FEZ1: variants seen among roughly 807,000 people sequenced by gnomAD.
FEZ1 encodes the protein fasciculation and elongation protein zeta-1.
A neutral mutation model predicts 49.3 loss-of-function variants in FEZ1; 20 were observed. The observed-to-expected ratio is 0.41, with a 90% confidence interval of 0.29 to 0.59. The LOEUF (loss-of-function observed/expected upper bound fraction) is 0.59, where lower values mean the gene tolerates loss of function less well. Among genes scored for constraint, FEZ1 ranks in the 20% least tolerant of loss-of-function variants. FEZ1 has a pLI of 0.36. For missense variants in FEZ1, 413 were observed against 476.0 expected, an observed-to-expected ratio of 0.87 and a Z score of 1.23; for synonymous variants, 170 against 180.9, an observed-to-expected ratio of 0.94 and a Z score of 0.48.
intron 3 of FEZ1, among the ~76,000 whole-genome samples, chr11:125,477,026 G>A (rs1048849836): frequency 6.6e-6 from 1 of 152,078 alleles, no homozygotes; most frequent in Non-Finnish European, 1.5e-5. Flanking sequence ...CCAGTTTGTA[G>A]CAGAAAGATG....
At chr11:125,474,384 T>C (rs995753658) in intron 3 of FEZ1, among the ~76,000 whole-genome samples, 2 of 151,718 alleles carry the variant, frequency 1.3e-5, no homozygotes, top group African/African-American at 4.8e-5. Flanking sequence ...CCCAGTCTGG[T>C]CTTTAACTCC....
intron 3 of FEZ1, among the ~76,000 whole-genome samples, chr11:125,477,595 G>T (rs547554481): frequency 6.6e-6 from 1 of 152,090 alleles, no homozygotes. Flanking sequence ...AAGCCCTGCC[G>T]CCTCTACCTG....
intron 3 of FEZ1, among the ~76,000 whole-genome samples, chr11:125,469,552 C>T (rs1957165337): frequency 6.6e-6 from 1 of 152,034 alleles, no homozygotes; most frequent in South Asian, 2.1e-4. Context: ...GAGCTATCAC[C>T]AGCCATTTTT....
At chr11:125,493,238 G>T (rs1297959479) in intron 1 of FEZ1, among the ~76,000 whole-genome samples, 1 of 151,452 alleles carries the variant, frequency 6.6e-6, no homozygotes, top group Non-Finnish European at 1.5e-5. Flanking sequence ...GGAGGCTGAG[G>T]CAGGAGAATC....
rs142368045 is a variant in FEZ1 at position 125,466,948 on chromosome 11, C to A, written c.412-3378G>T. Among the ~76,000 whole-genome samples, 473 of 151,954 alleles carry A rather than the reference C, an allele frequency of 3.1e-3. 3 individuals carry two copies. The highest frequency in any genetic ancestry group is 0.023 in the East Asian group (119 of 5,176). On this transcript the variant is annotated intron_variant, in intron 3 of 9. Transcript: ENST00000278919. ...ATTGTTTGACATGAGTGGTTGCCCC[C>A]CTGACAAAAATTAAGAGAACAAAGA...
chr11:125,476,645 G>T (rs368593727), intron 3 of FEZ1, among the ~76,000 whole-genome samples: 131 of 152,158 alleles, frequency 8.6e-4, no homozygotes, highest in African/African-American at 3.1e-3. Context: ...AACCAAAAAA[G>T]TCATATAATA....
At chr11:125,484,150 CA>C (rs1456442755) in intron 2 of FEZ1, among the ~76,000 whole-genome samples, 2 of 152,206 alleles carry the variant, frequency 1.3e-5, no homozygotes, top group Non-Finnish European at 2.9e-5. Flanking sequence ...ACCCAGTGCC[CA>C]TTTAACAATA....
chr11:125,461,106 A>C (rs1433016301), intron 4 of FEZ1, among the ~76,000 whole-genome samples: 2 of 152,198 alleles, frequency 1.3e-5, no homozygotes, highest in Non-Finnish European at 2.9e-5. Flanking sequence ...CAAAATGGGG[A>C]GGAAAACAAC....
At chr11:125,449,897 C>A (rs1334402255) in intron 8 of FEZ1, among the ~76,000 whole-genome samples, 2 of 152,084 alleles carry the variant, frequency 1.3e-5, no homozygotes, top group South Asian at 2.1e-4. Flanking sequence ...GAGTCAGCAG[C>A]CAGGTCCAGA....
intron 1 of FEZ1, among the ~76,000 whole-genome samples, chr11:125,494,062 T>G (rs1428710988): frequency 6.6e-6 from 1 of 152,234 alleles, no homozygotes; most frequent in African/African-American, 2.4e-5. Context: ...ACATGCTCAT[T>G]TGAAACAGTC....
chr11:125,462,927 G>A (rs911216970), intron 4 of FEZ1, among the ~76,000 whole-genome samples: 2 of 151,650 alleles, frequency 1.3e-5, no homozygotes, highest in African/African-American at 2.4e-5. Flanking sequence ...TTGAGCCAAG[G>A]AGGTTGAGGC....
At chr11:125,473,676 G>A (rs1565539197) in intron 3 of FEZ1, among the ~76,000 whole-genome samples, 2 of 151,956 alleles carry the variant, frequency 1.3e-5, no homozygotes, top group Admixed American at 6.6e-5. Flanking sequence ...AAAATTAGCT[G>A]GGCATGGTTG....
intron 8 of FEZ1, among the ~76,000 whole-genome samples, chr11:125,449,072 G>A (rs111672196): frequency 2.4e-4 from 36 of 151,954 alleles, no homozygotes; most frequent in African/African-American, 8.2e-4. Context: ...ACAGGATCTC[G>A]CCCTGCCACA....
chr11:125,469,433 A>G (rs961929459), intron 3 of FEZ1, among the ~76,000 whole-genome samples: 1 of 151,794 alleles, frequency 6.6e-6, no homozygotes, highest in Non-Finnish European at 1.5e-5. Context: ...TAACTTTTGT[A>G]TTTTTTGTAG....
chr11:125,461,448 A>G (rs1591586718), intron 4 of FEZ1, among the ~76,000 whole-genome samples: 1 of 152,322 alleles, frequency 6.6e-6, no homozygotes, highest in South Asian at 2.1e-4. Context: ...CTCTGCAAAA[A>G]GCAGAAAAAT....
rs1030278704 is a variant in FEZ1, at chr11:125,465,494, C to T, written c.412-1924G>A. On this transcript the variant is annotated intron_variant, in intron 3 of 9. Coordinates refer to ENST00000278919, the MANE Select transcript of FEZ1 (RefSeq NM_005103.5). Reference sequence around the variant, plus strand: ...GTTTCTCTCCCCTCCCCCTCTCAGGCGCAAAGCCTCCAGGTCTGAATTGTC... The same window carrying T: ...GTTTCTCTCCCCTCCCCCTCTCAGGTGCAAAGCCTCCAGGTCTGAATTGTC... 3.9e-5 allele frequency among the ~76,000 whole-genome samples: 6 copies of T among 152,132 alleles called. No individual in the cohort carries two copies. The East Asian group carries it at 7.7e-4, about 20-fold the overall frequency.
chr11:125,459,403 C>A (rs751273251), intron 5 of FEZ1, among the ~76,000 whole-genome samples: 2 of 151,896 alleles, frequency 1.3e-5, no homozygotes, highest in Non-Finnish European at 2.9e-5. Flanking sequence ...AACAGCCTGG[C>A]CAACGTGGAG....
intron 3 of FEZ1, among the ~76,000 whole-genome samples, chr11:125,477,806 G>A (rs187355986): frequency 1.5e-3 from 235 of 151,762 alleles, no homozygotes; most frequent in African/African-American, 5.4e-3. Flanking sequence ...GGACACTGGA[G>A]CTTCCCCATG....
At chr11:125,479,155 C>T (rs773531538) in intron 3 of FEZ1, among the ~76,000 whole-genome samples, 1 of 152,120 alleles carries the variant, frequency 6.6e-6, no homozygotes, top group Non-Finnish European at 1.5e-5. Context: ...CACTTGCTCC[C>T]GTCAATGAAG....
Sources: gnomAD v4.1 joint callset for allele counts (sites outside exome capture counted in the v4.1 genomes callset) on GRCh38, gnomAD v4.1.1 for gene constraint, MANE v1.5 for transcripts, NCBI Gene and HGNC (gene_info 2026-07-23, HGNC 2026-07-21) for gene names.